The following OLFM3 variants were observed in gnomAD, a reference collection of about 807,000 sequenced individuals.
The protein encoded by OLFM3 is olfactomedin 3, also known as noelin-3.
A neutral mutation model predicts 48.6 loss-of-function variants in OLFM3; 20 were observed. The ratio of observed to expected loss-of-function variants is 0.41; its 90% CI spans 0.29 to 0.60. OLFM3 has a LOEUF of 0.60. Ranked by LOEUF, OLFM3 falls within the 20% of genes least tolerant of loss-of-function variation. The pLI is 0.28. For missense variants in OLFM3, 437 were observed against 544.3 expected (o/e 0.80, Z 1.96); for synonymous variants, 222 against 198.1 (o/e 1.12, Z -1.01).
intron 1 of OLFM3, among the ~76,000 whole-genome samples, chr1:101,981,777 T>C (rs1440197702): frequency 6.6e-6 from 1 of 152,256 alleles, no homozygotes; most frequent in African/African-American, 2.4e-5. Context: ...TGTTAGCTAA[T>C]GTCAACATAC....
At chr1:101,912,168 A>G (rs1255218657) in intron 1 of OLFM3, among the ~76,000 whole-genome samples, 1 of 152,112 alleles carries the variant, frequency 6.6e-6, no homozygotes, top group Non-Finnish European at 1.5e-5. Context: ...TCTATCAATC[A>G]CATGCCTTTT....
chr1:101,878,794 T>C (rs760079647), intron 1 of OLFM3, among the ~76,000 whole-genome samples: 15 of 151,888 alleles, frequency 9.9e-5, no homozygotes, highest in Non-Finnish European at 2.1e-4. Flanking sequence ...TGAAAACTAA[T>C]GAAGAATTAG....
At chr1:101,909,338 T>C (rs1658667194) in intron 1 of OLFM3, among the ~76,000 whole-genome samples, 1 of 152,274 alleles carries the variant, frequency 6.6e-6, no homozygotes, top group Non-Finnish European at 1.5e-5. Context: ...AAAACTCTAT[T>C]TGTAATTATT....
intron 1 of OLFM3, among the ~76,000 whole-genome samples, chr1:101,984,273 T>C (rs556763705): frequency 6.6e-6 from 1 of 151,654 alleles, no homozygotes; most frequent in East Asian, 1.9e-4. Context: ...AAAAAAGTTC[T>C]TAAATTGCAG....
chr1:101,857,171 C>G (rs146295887), intron 1 of OLFM3, among the ~76,000 whole-genome samples: 1 of 151,912 alleles, frequency 6.6e-6, no homozygotes, highest in Non-Finnish European at 1.5e-5. Context: ...ATTTTCATCT[C>G]TCTTTTCATT....
At chr1:101,886,460 G>T (rs1027158081) in intron 1 of OLFM3, among the ~76,000 whole-genome samples, 1 of 152,032 alleles carries the variant, frequency 6.6e-6, no homozygotes, top group Non-Finnish European at 1.5e-5. Context: ...AAATAAAGTG[G>T]TGATGTTTCT....
chr1:101,822,920 T>C (rs1169562106), intron 4 of OLFM3, among the ~76,000 whole-genome samples: 1 of 152,078 alleles, frequency 6.6e-6, no homozygotes, highest in African/African-American at 2.4e-5. Context: ...TAAATAACTT[T>C]TCCCTTGCTT....
chr1:101,964,176 T>C (rs1190854840), intron 1 of OLFM3, among the ~76,000 whole-genome samples: 2 of 152,094 alleles, frequency 1.3e-5, no homozygotes, highest in Admixed American at 6.6e-5. Context: ...ATGGTGGTTG[T>C]ATATGTATGT....
intron 1 of OLFM3, among the ~76,000 whole-genome samples, chr1:101,962,617 A>T (rs929040910): frequency 6.6e-6 from 1 of 152,148 alleles, no homozygotes; most frequent in African/African-American, 2.4e-5. Context: ...GATCAAACTA[A>T]CAGCTTTAAA....
At chr1:101,817,920 A>C (rs1654414573) in intron 4 of OLFM3, among the ~76,000 whole-genome samples, 1 of 152,024 alleles carries the variant, frequency 6.6e-6, no homozygotes, top group Non-Finnish European at 1.5e-5. Flanking sequence ...CTTATGAGTT[A>C]TATTTGTGAG....
chr1:101,984,434 G>T (rs1661180478), intron 1 of OLFM3, among the ~76,000 whole-genome samples: 1 of 152,106 alleles, frequency 6.6e-6, no homozygotes, highest in Non-Finnish European at 1.5e-5. Context: ...GCAGTGCTCT[G>T]TCGCCCAGAC....
At chr1:101,901,916 C>T (rs1272145852) in intron 1 of OLFM3, among the ~76,000 whole-genome samples, 1 of 151,938 alleles carries the variant, frequency 6.6e-6, no homozygotes, top group Non-Finnish European at 1.5e-5. Context: ...TTTTGAGCTA[C>T]AAATTCAGAA....
chr1:101,861,740 G>T (rs1445883164), intron 1 of OLFM3, among the ~76,000 whole-genome samples: 1 of 152,174 alleles, frequency 6.6e-6, no homozygotes, highest in East Asian at 1.9e-4. Flanking sequence ...GGGTTGGAAT[G>T]CCAGGTTTGT....
intron 1 of OLFM3, among the ~76,000 whole-genome samples, chr1:101,912,009 C>G (rs533266867): frequency 5.3e-5 from 8 of 152,210 alleles, no homozygotes; most frequent in South Asian, 4.1e-4. Context: ...AGTAGTGAAG[C>G]TTTGGCAGTG....
chr1:101,961,461 G>A (rs1466802072), intron 1 of OLFM3, among the ~76,000 whole-genome samples: 1 of 151,834 alleles, frequency 6.6e-6, no homozygotes. Context: ...AAAGAGTAGA[G>A]ATATTTTTTA....
intron 1 of OLFM3, among the ~76,000 whole-genome samples, chr1:101,947,355 T>C (rs1659993544): frequency 1.3e-5 from 2 of 152,194 alleles, no homozygotes; most frequent in Admixed American, 1.3e-4. Flanking sequence ...AAACACAGTA[T>C]TCATGTAATT....
intron 1 of OLFM3, among the ~76,000 whole-genome samples, chr1:101,894,367 G>T (rs558321192): frequency 7.9e-5 from 12 of 152,062 alleles, no homozygotes; most frequent in African/African-American, 2.9e-4. Context: ...GATTATTGCT[G>T]ATTATTATCT....
intron 1 of OLFM3, among the ~76,000 whole-genome samples, chr1:101,930,643 C>T (rs1023974788): frequency 1.3e-5 from 2 of 152,074 alleles, no homozygotes; most frequent in East Asian, 3.9e-4. Flanking sequence ...ATGGTAGGTG[C>T]TATGATAAAA....
At chr1:101,818,079 T>G (rs1654421975) in intron 4 of OLFM3, among the ~76,000 whole-genome samples, 3 of 152,118 alleles carry the variant, frequency 2.0e-5, no homozygotes, top group Admixed American at 2.0e-4. Context: ...CAGTTTCACC[T>G]TTTAAATTAT....
Sources: gnomAD v4.1 joint callset for allele counts (sites outside exome capture counted in the v4.1 genomes callset) on GRCh38, gnomAD v4.1.1 for gene constraint, MANE v1.5 for transcripts, NCBI Gene and HGNC (gene_info 2026-07-23, HGNC 2026-07-21) for gene names.